The following WWOX variants were observed in gnomAD, a reference collection of about 807,000 sequenced individuals.
The protein encoded by WWOX is WW domain-containing oxidoreductase.
WWOX carries 69 observed loss-of-function variants against 46.2 expected under a neutral mutation model. That is an observed-to-expected ratio of 1.49 (90% confidence interval 1.23 to 1.82). WWOX has a LOEUF of 1.82. Among genes scored for constraint, WWOX ranks in the 40% most tolerant of loss-of-function variants. The pLI is 0.00. For synonymous variants in WWOX, 359 were observed against 202.6 expected, an observed-to-expected ratio of 1.77 and a Z score of -6.56; for missense variants, 919 against 542.6, an observed-to-expected ratio of 1.69 and a Z score of -6.89.
intron 5 of WWOX, among the ~76,000 whole-genome samples, chr16:78,193,589 T>A (rs2035950774): frequency 6.1e-5 from 1 of 16,334 alleles, no homozygotes; most frequent in African/African-American, 5.2e-4. Flanking sequence ...TCTAGTCTTA[T>A]ATCATTGAAA....
chr16:78,771,243 G>C (rs1729571926), intron 8 of WWOX, among the ~76,000 whole-genome samples: 1 of 152,222 alleles, frequency 6.6e-6, no homozygotes, highest in African/African-American at 2.4e-5. Flanking sequence ...CTGCTGTGTT[G>C]AGTGGATTGG....
intron 8 of WWOX, chr16:79,017,129 C>T (rs970160556): frequency 6.6e-5 from 10 of 152,042 alleles, no homozygotes; most frequent in Non-Finnish European, 1.2e-4. Context: ...TTGCCTTGTC[C>T]ACAGAAGTTA....
At chr16:79,172,627 C>G (rs999769638) in intron 8 of WWOX, among the ~76,000 whole-genome samples, 11 of 152,146 alleles carry the variant, frequency 7.2e-5, no homozygotes, top group African/African-American at 2.7e-4. Flanking sequence ...ATCTGGTGAT[C>G]TCACTACCAA....
chr16:78,209,739 TA>T (rs5818116), intron 5 of WWOX, among the ~76,000 whole-genome samples: 111,100 of 145,870 alleles, frequency 0.76, 42,806 homozygotes, highest in African/African-American at 0.91. Context: ...TTGCGGAGAT[TA>T]AAAAAAAAAA....
At chr16:78,159,603 CT>C (rs1186342605) in intron 4 of WWOX, among the ~76,000 whole-genome samples, 3 of 148,218 alleles carry the variant, frequency 2.0e-5, no homozygotes, top group South Asian at 4.3e-4. Flanking sequence ...TTTTCATACA[CT>C]TGGCTATTTG....
intron 8 of WWOX, among the ~76,000 whole-genome samples, chr16:79,090,507 G>C (rs1050119227): frequency 2.6e-5 from 4 of 152,090 alleles, no homozygotes; most frequent in African/African-American, 7.2e-5. Flanking sequence ...GGAAAGAGAC[G>C]TGAAAGAAAT....
At chr16:78,952,486 G>A (rs1014460694) in intron 8 of WWOX, among the ~76,000 whole-genome samples, 5 of 151,448 alleles carry the variant, frequency 3.3e-5, no homozygotes, top group African/African-American at 1.2e-4. Flanking sequence ...AGGTTCAGGC[G>A]ATTCTCCTGC....
intron 8 of WWOX, among the ~76,000 whole-genome samples, chr16:78,495,511 T>A (rs1949645191): frequency 9.8e-6 from 1 of 102,472 alleles, no homozygotes; most frequent in Non-Finnish European, 2.0e-5. Flanking sequence ...GAAAATGGTC[T>A]TTTTTTTTTT....
chr16:78,365,970 G>T (rs1345127868), intron 5 of WWOX, among the ~76,000 whole-genome samples: 1 of 152,138 alleles, frequency 6.6e-6, no homozygotes, highest in Admixed American at 6.5e-5. Flanking sequence ...TGTGCCAGGT[G>T]GCCAAGATGG....
At chr16:78,364,760 G>A (rs1181755120) in intron 5 of WWOX, among the ~76,000 whole-genome samples, 1 of 152,188 alleles carries the variant, frequency 6.6e-6, no homozygotes, top group African/African-American at 2.4e-5. Context: ...GTGCTACCCT[G>A]TGTATGTCTG....
At chr16:78,206,228 G>A (rs9938637) in intron 5 of WWOX, among the ~76,000 whole-genome samples, 103,218 of 151,864 alleles carry the variant, frequency 0.68, 35,862 homozygotes, top group African/African-American at 0.83. Flanking sequence ...AGTTATTGGT[G>A]GTGGAATATC....
intron 5 of WWOX, among the ~76,000 whole-genome samples, chr16:78,171,689 C>G (rs2035167577): frequency 6.6e-6 from 1 of 151,990 alleles, no homozygotes; most frequent in Non-Finnish European, 1.5e-5. Flanking sequence ...CCTAAATCAG[C>G]CATTAGATTT....
chr16:78,671,845 C>A (rs115008924), intron 8 of WWOX, among the ~76,000 whole-genome samples: 4 of 152,114 alleles, frequency 2.6e-5, no homozygotes, highest in East Asian at 1.9e-4. Flanking sequence ...TAGAAAAATA[C>A]ATGTCAATTA....
intron 8 of WWOX, among the ~76,000 whole-genome samples, chr16:78,937,448 CTTTTTTTTTTTTTT>C: frequency 2.4e-5 from 2 of 81,994 alleles, no homozygotes; most frequent in Admixed American, 2.9e-4. Flanking sequence ...TTTGTATTAA[CTTTTTTTTTTTTTT>C]TTTTTTTTTT....
intron 8 of WWOX, among the ~76,000 whole-genome samples, chr16:78,913,263 C>T (rs544303946): frequency 6.6e-6 from 1 of 151,910 alleles, no homozygotes; most frequent in Non-Finnish European, 1.5e-5. Context: ...TAAGCAGAGG[C>T]CCCAAGACAT....
At chr16:78,648,238 C>G (rs1351477285) in intron 8 of WWOX, among the ~76,000 whole-genome samples, 2 of 152,158 alleles carry the variant, frequency 1.3e-5, no homozygotes, top group South Asian at 2.1e-4. Context: ...TATCCCTATA[C>G]AAAGACCCAA....
At chr16:78,869,403 A>G (rs758585936) in intron 8 of WWOX, among the ~76,000 whole-genome samples, 5 of 152,188 alleles carry the variant, frequency 3.3e-5, no homozygotes, top group African/African-American at 7.2e-5. Context: ...TATGGATTCT[A>G]TTCTTATTTG....
rs1438108723 is a variant in WWOX at position 78,460,433 on chromosome 16, GTAA to G, written c.1056+27685_1056+27687del. 2.0e-5 allele frequency among the ~76,000 whole-genome samples: 3 copies of G among 152,324 alleles called. No individual in the cohort carries two copies. The East Asian group carries it at 5.8e-4, about 29-fold the overall frequency. On this transcript the variant is annotated intron_variant, in intron 8 of 8. Coordinates refer to ENST00000566780, the MANE Select transcript of WWOX (RefSeq NM_016373.4). ...GATACTTTCCTTAGTTGTTTTCAGT[GTAA>G]TAACCTGTCTTCAGTCTACTCTTTG...
At chr16:78,408,360 T>A (rs1281551836) in intron 6 of WWOX, among the ~76,000 whole-genome samples, 1 of 152,192 alleles carries the variant, frequency 6.6e-6, no homozygotes, top group Non-Finnish European at 1.5e-5. Flanking sequence ...TGAGTTAATA[T>A]AAGGCCCCAG....
Sources: gnomAD v4.1 joint callset for allele counts (sites outside exome capture counted in the v4.1 genomes callset) on GRCh38, gnomAD v4.1.1 for gene constraint, MANE v1.5 for transcripts, NCBI Gene and HGNC (gene_info 2026-07-23, HGNC 2026-07-21) for gene names.